Variants in ESRP1 observed in about 807,000 individuals in gnomAD.
ESRP1 encodes the protein RNA-binding motif protein 35A.
Under a neutral mutation model 81.7 loss-of-function variants are expected in ESRP1, and 33 were observed. The observed-to-expected ratio is 0.40, with a 90% confidence interval of 0.31 to 0.54. The LOEUF (loss-of-function observed/expected upper bound fraction) is 0.54. Among genes scored for constraint, ESRP1 ranks in the 20% least tolerant of loss-of-function variants. The probability of loss-of-function intolerance (pLI) is 0.41; values close to 1 mark genes in which losing one functional copy is unlikely to be tolerated. For synonymous variants in ESRP1, 320 were observed against 303.3 expected (o/e 1.06, Z -0.57); for missense variants, 672 against 833.1 (o/e 0.81, Z 2.38).
chr8:94,687,914 GTTAGT>G (rs1447325025), intron 13 of ESRP1, among the ~76,000 whole-genome samples: 1 of 151,936 alleles, frequency 6.6e-6, no homozygotes, highest in East Asian at 1.9e-4. Context: ...AATTTTGATT[GTTAGT>G]TTATTCTTTT....
Position 94,668,138 on chromosome 8 carries a change from T to G in ESRP1, c.1121T>G (p.Phe374Cys), listed in dbSNP as rs1156881000. ...GATGGTAGGCCAACAGGGGACGCTT[T>G]TGTCCTCTTTGCCTGTGAGGAATAT... The part of the protein sequence containing the change: ...YPDGRPTGDA[F>C]VLFACEEYAQ... Residue 374 changes from phenylalanine (F) to cysteine (C), a missense_variant, in exon 10 of 16, where the codon TTT becomes TGT. Phe to Cys is a radical substitution (Grantham distance 205, BLOSUM62 -2). Transcript: ENST00000433389. The G allele has an allele frequency of 1.2e-6, 2 of 1,613,914 alleles. No individual in the cohort carries two copies. The highest frequency in any genetic ancestry group is 1.7e-6 in the Non-Finnish European group (2 of 1,179,896).
intron 4 of ESRP1, chr8:94,656,251 G>GC (rs1818412212): frequency 6.6e-6 from 1 of 150,686 alleles, no homozygotes. Context: ...CGGAGTCATC[G>GC]TCTGTCGCCC....
intron 9 of ESRP1, 81 bp from the exon 10 acceptor site, chr8:94,667,868 A>G (rs1414471970): frequency 1.7e-6 from 2 of 1,204,468 alleles, no homozygotes; most frequent in African/African-American, 1.5e-5. Flanking sequence ...AGACATTGGC[A>G]GGACTTTTAT....
intron 15 of ESRP1, among the ~76,000 whole-genome samples, chr8:94,704,893 C>A (rs938750260): frequency 2.1e-4 from 31 of 149,450 alleles, no homozygotes; most frequent in African/African-American, 7.6e-4. Context: ...ACTAAAAGTT[C>A]TTATTTTAAG....
rs758086899 is a variant in ESRP1 at position 94,668,114 on chromosome 8, A to G, written c.1097A>G (p.Asp366Gly). ...GGCATCCTCTTTGTCACCTACCCAGATGGTAGGCCAACAGGGGACGCTTTT... is the reference window on the plus strand; with the variant it reads ...GGCATCCTCTTTGTCACCTACCCAGGTGGTAGGCCAACAGGGGACGCTTTT... ...KEGILFVTYP[D>G]GRPTGDAFVL... is the part of the protein sequence containing the mutation. Residue 366 changes from aspartate (D) to glycine (G), a missense_variant, in exon 10 of 16, where the codon GAT becomes GGT. By Grantham distance (94) the Asp-to-Gly change is moderately conservative (BLOSUM62 -1). Coordinates refer to ENST00000433389, the MANE Select transcript of ESRP1 (RefSeq NM_017697.4). The G allele has an allele frequency of 8.1e-6, 13 of 1,613,860 alleles. No individual in the cohort carries two copies. Among genetic ancestry groups the G allele is most frequent in the South Asian group, 3.3e-5 (3 of 91,086 alleles).
chr8:94,673,682 C>T (rs1819445927), intron 11 of ESRP1, among the ~76,000 whole-genome samples: 1 of 152,108 alleles, frequency 6.6e-6, no homozygotes, highest in Admixed American at 6.5e-5. Flanking sequence ...CAAGGTAGAG[C>T]TGTAAGGAGT....
At chr8:94,667,667 C>T (rs1052831551) in intron 9 of ESRP1, among the ~76,000 whole-genome samples, 1 of 152,184 alleles carries the variant, frequency 6.6e-6, no homozygotes, top group Non-Finnish European at 1.5e-5. Flanking sequence ...GGCATTCTGG[C>T]TCCAGGACCT....
intron 13 of ESRP1, among the ~76,000 whole-genome samples, chr8:94,686,039 CT>C (rs1437575344): frequency 1.3e-5 from 2 of 152,166 alleles, no homozygotes; most frequent in African/African-American, 2.4e-5. Context: ...CCTCTGCCCC[CT>C]GGGTTCAAGC....
In ESRP1 at chr8:94,665,039, A is replaced by G. The variant is rs1818949444; in HGVS notation, c.868A>G (p.Met290Val). The change falls in exon 8 of 16, where the codon ATG (methionine) becomes GTG (valine). Residue 290 changes from methionine (M) to valine (V), a missense_variant. Met to Val is a conservative substitution (Grantham distance 21). Transcript: ENST00000433389. ...AGCACTACAGAGGCACAAACATCACATGGGGACCCGGTATATTGAGGTATG... is the reference window on the plus strand; with the variant it reads ...AGCACTACAGAGGCACAAACATCACGTGGGGACCCGGTATATTGAGGTATG... ...DLALQRHKHH[M>V]GTRYIEVYKA... 2 of 1,613,770 alleles carry G rather than the reference A, an allele frequency of 1.2e-6. No individual in the cohort carries two copies. The highest frequency in any genetic ancestry group is 1.7e-6 in the Non-Finnish European group (2 of 1,179,888).
chr8:94,684,669 C>T (rs1168822747), intron 13 of ESRP1, among the ~76,000 whole-genome samples: 3 of 152,114 alleles, frequency 2.0e-5, no homozygotes, highest in African/African-American at 7.2e-5. Flanking sequence ...TGTAGTCACT[C>T]ATTCAGAGGG....
At chr8:94,643,867 C>T (rs1038021782) in intron 3 of ESRP1, among the ~76,000 whole-genome samples, 5 of 152,072 alleles carry the variant, frequency 3.3e-5, no homozygotes, top group Non-Finnish European at 7.4e-5. Flanking sequence ...GTTGGAAATG[C>T]TATATCCTAG....
At chr8:94,679,192 T>C (rs147303991) in intron 13 of ESRP1, among the ~76,000 whole-genome samples, 53 of 152,396 alleles carry the variant, frequency 3.5e-4, no homozygotes, top group Middle Eastern at 6.8e-3. Flanking sequence ...CTTTTAATTA[T>C]GTTTTTTATT....
At chr8:94,682,961 T>TTG (rs1261616183) in intron 13 of ESRP1, among the ~76,000 whole-genome samples, 14 of 104,078 alleles carry the variant, frequency 1.3e-4, no homozygotes, top group Non-Finnish European at 2.8e-4. Flanking sequence ...TTTTTTTTTT[T>TTG]GAGACGGAGT....
At chr8:94,642,171 C>G (rs2130518852) in intron 2 of ESRP1, 87 bp downstream of exon 2, 1 of 1,500,346 alleles carries the variant, frequency 6.7e-7, no homozygotes, top group African/African-American at 1.4e-5. Flanking sequence ...CACGCGTGTT[C>G]CCGGAGCAGG....
At chr8:94,650,560 G>T (rs907005606) in intron 4 of ESRP1, among the ~76,000 whole-genome samples, 2 of 151,666 alleles carry the variant, frequency 1.3e-5, no homozygotes. Context: ...TGGATGTATG[G>T]TTTGTTTATC....
chr8:94,682,928 A>ATTTTTTTTTTTTTT (rs1238740355), intron 13 of ESRP1, among the ~76,000 whole-genome samples: 1 of 31,572 alleles, frequency 3.2e-5, no homozygotes. Flanking sequence ...ATATATATAT[A>ATTTTTTTTTTTTTT]TATATTTTTT....
chr8:94,650,746 T>A (rs777984945), intron 4 of ESRP1, among the ~76,000 whole-genome samples: 6 of 152,146 alleles, frequency 3.9e-5, no homozygotes, highest in Non-Finnish European at 8.8e-5. Context: ...GGAGTCTTGC[T>A]GTATTGCCCA....
chr8:94,655,005 A>C (rs1242448469), intron 4 of ESRP1, among the ~76,000 whole-genome samples: 1 of 151,774 alleles, frequency 6.6e-6, no homozygotes, highest in Non-Finnish European at 1.5e-5. Flanking sequence ...TGGTTGGGAG[A>C]AGACAAAACT....
At chr8:94,677,140 T>G (rs1162554615) in intron 12 of ESRP1, among the ~76,000 whole-genome samples, 1 of 152,206 alleles carries the variant, frequency 6.6e-6, no homozygotes, top group Non-Finnish European at 1.5e-5. Flanking sequence ...AATATGTTAG[T>G]CTTTTTTCTA....
Sources: allele counts gnomAD v4.1 joint callset (sites outside exome capture counted in the v4.1 genomes callset), GRCh38; gene constraint gnomAD v4.1.1; transcripts MANE v1.5; gene names NCBI Gene and HGNC (gene_info 2026-07-23, HGNC 2026-07-21).